KIF20A: variants seen among roughly 807,000 people sequenced by gnomAD.
KIF20A encodes the protein kinesin-like protein KIF20A.
Under a neutral mutation model 113.0 loss-of-function variants are expected in KIF20A, and 66 were observed. The observed-to-expected ratio is 0.58, with a 90% confidence interval of 0.48 to 0.72. The LOEUF is 0.72. Among genes scored for constraint, KIF20A ranks in the 30% least tolerant of loss-of-function variants. The pLI, the probability that KIF20A is intolerant of heterozygous loss-of-function variation, is 0.00. For synonymous variants in KIF20A, 376 were observed against 402.3 expected (o/e 0.93, Z 0.78); for missense variants, 927 against 1,077.6 (o/e 0.86, Z 1.96).
In KIF20A at chr5:138,187,122, C is replaced by A; in HGVS notation, c.2382C>A (p.Asn794Lys). Residue 794 changes from asparagine to lysine, a missense_variant, in exon 19 of 19, where the codon AAC (asparagine) becomes AAA (lysine). Asn to Lys is a moderately conservative substitution (Grantham distance 94). Coordinates refer to ENST00000394894, the MANE Select transcript of KIF20A (RefSeq NM_005733.3). Reference protein sequence around the residue: ...KQDQTLAELQNNMVLVKLDLR... With the variant: ...KQDQTLAELQKNMVLVKLDLR... ...ACCAGACTCTGGCTGAACTGCAGAA[C>A]AACATGGTGCTAGTGAAACTGGACC... 1 of 1,611,268 alleles carries A rather than the reference C, an allele frequency of 6.2e-7. No homozygotes were observed. The highest frequency in any genetic ancestry group is 1.1e-5 in the South Asian group (1 of 91,006).
Position 138,182,461 on chromosome 5 carries a change from G to T in KIF20A, c.514G>T (p.Gly172Cys). 6.2e-7 allele frequency: 1 copy of T among 1,613,960 alleles called. No homozygotes were observed. Among genetic ancestry groups the T allele is most frequent in the Non-Finnish European group, 8.5e-7 (1 of 1,179,926 alleles). ...CTCAGGGAAAACCCACACGATTCAA[G>T]GTGAGTAGTAAGCCTTCACGGGATT... is the stretch of plus-strand genomic sequence containing the variant. ...TNSGKTHTIQ[G>C]TIKDGGILPR... The change falls in exon 5 of 19, where the codon GGT becomes TGT. Residue 172 changes from glycine to cysteine, a missense_variant and splice_region_variant. Gly to Cys is a radical substitution (Grantham distance 159). Transcript: ENST00000394894.
At position 138,186,063 on chromosome 5, in the gene KIF20A, C is replaced by T. The variant is rs187210890; in HGVS notation, c.2217+11C>T. The T allele has an allele frequency of 3.6e-4, 573 of 1,609,568 alleles. 3 individuals carry two copies. In the African/African-American group the frequency reaches 6.8e-3, roughly 19 times the overall value. On this transcript the variant is annotated intron_variant, in intron 17 of 18. Coordinates refer to ENST00000394894, the MANE Select transcript of KIF20A (RefSeq NM_005733.3). ...GAAGAGGGCCAGAAGGTAATTACCA[C>T]CATTCTCTGTTTACCAAACTCTTAC...
rs772297000 is a variant in KIF20A at position 138,183,178 on chromosome 5, A to G, written c.842A>G (p.His281Arg). 2.5e-6 allele frequency: 4 copies of G among 1,614,070 alleles called. No homozygotes were observed. The highest frequency in any genetic ancestry group is 3.4e-6 in the Non-Finnish European group (4 of 1,179,952). Residue 281 changes from histidine to arginine, a missense_variant, in exon 8 of 19, where the codon CAT (histidine) becomes CGT (arginine). Physicochemically the swap from His to Arg is conservative, Grantham distance 29. Coordinates refer to ENST00000394894, the MANE Select transcript of KIF20A (RefSeq NM_005733.3). This position sits in a 1 kb window ranked among gnomAD's most constrained non-coding sequence, Gnocchi z 5.2. ...TSSSQLDETS[H>R]RWAQPDTAPL... Reference sequence around the variant, plus strand: ...TTGGCTTCTTCTCCAGAAACAAGTCATCGATGGGCACAGCCAGACACTGCC... The same window carrying G: ...TTGGCTTCTTCTCCAGAAACAAGTCGTCGATGGGCACAGCCAGACACTGCC...
At chr5:138,184,200 G>GT in intron 11 of KIF20A, 39 bp from the exon 12 acceptor site, 1 of 1,611,748 alleles carries the variant, frequency 6.2e-7, no homozygotes, top group Non-Finnish European at 8.5e-7. Context: ...AAGGGCTGGT[G>GT]TTCTGCTCAC....
chr5:138,182,324 T>C lies in KIF20A; in HGVS notation c.377T>C (p.Ile126Thr). The change falls in exon 5 of 19, where the codon ATC (isoleucine) becomes ACC (threonine). Residue 126 changes from isoleucine (I) to threonine (T), a missense_variant and splice_region_variant. Coordinates refer to ENST00000394894, the MANE Select transcript of KIF20A (RefSeq NM_005733.3). ...QATHRFTFSQIFGPEVGQASF... is the reference protein window; with the variant it reads ...QATHRFTFSQTFGPEVGQASF... ...CTAAAAAACTGGGTCTCTCTCTAGA[T>C]CTTTGGGCCAGAAGTGGGACAGGCA... 6.2e-7 allele frequency: 1 copy of C among 1,613,164 alleles called. No homozygotes were observed. Among genetic ancestry groups the C allele is most frequent in the Non-Finnish European group, 8.5e-7 (1 of 1,179,608 alleles).
In KIF20A at chr5:138,183,695, A is replaced by G. The variant is rs748547975; in HGVS notation, c.1147A>G (p.Ile383Val). 1.2e-6 allele frequency: 2 copies of G among 1,613,820 alleles called. 1 individual carries two copies. Among genetic ancestry groups the G allele is most frequent in the South Asian group, 2.2e-5 (2 of 91,072 alleles). ...LNQNSSRSHS[I>V]FSIRILHLQG... ...GTTTTTCTTAACTTCCAGTCACAGC[A>G]TCTTCTCAATCAGGATCCTACACCT... is the stretch of plus-strand genomic sequence containing the variant. The change falls in exon 10 of 19, where the codon ATC becomes GTC. Residue 383 changes from isoleucine (I) to valine (V), a missense_variant. Ile to Val is a conservative substitution (Grantham distance 29). Transcript: ENST00000394894. This position sits in a 1 kb window ranked among gnomAD's most constrained non-coding sequence, Gnocchi z 5.2.
chr5:138,179,384 G>A (rs766327982), intron 1 of KIF20A, 182 bp downstream of exon 1: 1 of 377,542 alleles, frequency 2.6e-6, no homozygotes, highest in Non-Finnish European at 5.0e-6. Flanking sequence ...CCACAGCACC[G>A]GCGGGCGAGG....
intron 1 of KIF20A, chr5:138,179,420 G>A: frequency 2.2e-6 from 1 of 457,592 alleles, no homozygotes; most frequent in South Asian, 2.3e-5. Flanking sequence ...GTAGCCTTCT[G>A]CTTTTGGAGC....
rs1439585151 is a variant in KIF20A, at chr5:138,187,561, T to C, written c.*148T>C. On this transcript the variant is annotated 3_prime_UTR_variant, in exon 19 of 19. Transcript: ENST00000394894. ...CACTAGCTTTTTTCTCACTTTTGTA[T>C]TATAACCACCTATGTAATCTCATGT... 1 of 635,406 alleles carries C rather than the reference T, an allele frequency of 1.6e-6. No homozygotes were observed. Among genetic ancestry groups the C allele is most frequent in the African/African-American group, 1.8e-5 (1 of 54,710 alleles). 39.4% of individuals were successfully genotyped at this position (635,406 alleles called of 1,614,324 possible).
At chr5:138,185,003 G>A in intron 14 of KIF20A, 57 bp downstream of exon 14, 1 of 1,600,664 alleles carries the variant, frequency 6.2e-7, no homozygotes, top group Non-Finnish European at 8.5e-7. Context: ...TGGGAAGTAA[G>A]GAGTTAGGTG....
chr5:138,181,834 G>A (rs1340927682), intron 4 of KIF20A, 106 bp downstream of exon 4: 1 of 1,318,154 alleles, frequency 7.6e-7, no homozygotes, highest in African/African-American at 1.5e-5. Flanking sequence ...CCTTGTATAT[G>A]CACACCTACA....
In KIF20A at chr5:138,185,151, A is replaced by C. The variant is rs1245376286; in HGVS notation, c.1880A>C (p.Asn627Thr). ...LLEEMYEEKL[N>T]ILKESLTSFY... ...GAGGAAATGTATGAAGAAAAACTAA[A>C]TATCCTCAAGGAGTCACTGACAAGT... Residue 627 changes from asparagine (N) to threonine (T), a missense_variant, in exon 15 of 19, where the codon AAT (asparagine) becomes ACT (threonine). Transcript: ENST00000394894. The C allele has an allele frequency of 6.2e-7, 1 of 1,614,058 alleles. No individual in the cohort carries two copies. The highest frequency in any genetic ancestry group is 1.7e-5 in the Admixed American group (1 of 60,012).
Position 138,179,734 on chromosome 5 carries a change from C to G in KIF20A, c.54C>G (p.Val18=), listed in dbSNP as rs1192841985. Residue 18 remains valine, a synonymous_variant, in exon 2 of 19, where the codon GTC becomes GTG. Coordinates refer to ENST00000394894, the MANE Select transcript of KIF20A (RefSeq NM_005733.3). ...CGGGCTTGCTGTCCGATGACGATGTCGTAGTTTCTCCCATGTTTGAGTCCA... is the reference window on the plus strand; with the variant it reads ...CGGGCTTGCTGTCCGATGACGATGTGGTAGTTTCTCCCATGTTTGAGTCCA... ...PPAGLLSDDD[V]VVSPMFESTA... 6.2e-7 allele frequency: 1 copy of G among 1,614,094 alleles called. No individual in the cohort carries two copies. Among genetic ancestry groups the G allele is most frequent in the South Asian group, 1.1e-5 (1 of 91,072 alleles).
Position 138,183,293 on chromosome 5 carries a change from G to A in KIF20A, c.957G>A (p.Pro319=), listed in dbSNP as rs369402135. The part of the protein sequence containing the change: ...YNELLYDLLE[P]PSQQRKRQTL... ...AACTGCTTTATGACCTATTAGAACC[G>A]CCTAGCCAACAGCGCAAGAGGCAGA... The change falls in exon 8 of 19, where the codon CCG becomes CCA. Residue 319 remains proline, a synonymous_variant. Transcript: ENST00000394894. The surrounding 1 kb of genome is among the most constrained non-coding windows in gnomAD (Gnocchi z 5.2). The A allele has an allele frequency of 1.5e-5, 24 of 1,614,062 alleles. No homozygotes were observed. Among genetic ancestry groups the A allele is most frequent in the East Asian group, 1.1e-4 (5 of 44,900 alleles).
chr5:138,181,361 C>T, intron 2 of KIF20A, 61 bp from the exon 3 acceptor site: 2 of 1,355,512 alleles, frequency 1.5e-6, no homozygotes, highest in Admixed American at 1.7e-5. Flanking sequence ...ACTGTTTGCC[C>T]ATTTGCTCAG....
At position 138,183,386 on chromosome 5, in the gene KIF20A, G is replaced by C. The variant is rs1053318682; in HGVS notation, c.1027+23G>C. 2 of 1,613,700 alleles carry C rather than the reference G, an allele frequency of 1.2e-6. No individual in the cohort carries two copies. Among genetic ancestry groups the C allele is most frequent in the Non-Finnish European group, 1.7e-6 (2 of 1,179,648 alleles). On this transcript the variant is annotated intron_variant, in intron 8 of 18. Coordinates refer to ENST00000394894, the MANE Select transcript of KIF20A (RefSeq NM_005733.3). This position sits in a 1 kb window ranked among gnomAD's most constrained non-coding sequence, Gnocchi z 5.2. ...AAGGTAAAGGAACATGGGGAAAGCT[G>C]GCATGAACCCTGGAGGGCAACTGGG...
rs369613226 is a variant in KIF20A, at chr5:138,179,650, C to G, written c.-21-10C>G. ...TTCTTCTCCCTGCCCACTTTTTGGT[C>G]TCTTTTTAGACCTAGGCTGCCCCTG... On this transcript the variant is annotated splice_polypyrimidine_tract_variant and intron_variant, in intron 1 of 18. Transcript: ENST00000394894. 10 of 1,611,626 alleles carry G rather than the reference C, an allele frequency of 6.2e-6. No homozygotes were observed. Among genetic ancestry groups the G allele is most frequent in the Non-Finnish European group, 7.6e-6 (9 of 1,179,410 alleles).
In KIF20A at chr5:138,186,038, G is replaced by A. The variant is rs1356980797; in HGVS notation, c.2203G>A (p.Glu735Lys). 6.2e-7 allele frequency: 1 copy of A among 1,613,964 alleles called. No individual in the cohort carries two copies. The highest frequency in any genetic ancestry group is 8.5e-7 in the Non-Finnish European group (1 of 1,179,950). Reference protein sequence around the residue: ...PFTIDVDKKLEEGQKNIRLLR... With the variant: ...PFTIDVDKKLKEGQKNIRLLR... The stretch of plus-strand genomic sequence containing the variant: ...CACCATTGATGTGGACAAGAAGTTA[G>A]AAGAGGGCCAGAAGGTAATTACCAC... The change falls in exon 17 of 19, where the codon GAA (glutamate) becomes AAA (lysine). Residue 735 changes from glutamate to lysine, a missense_variant. Coordinates refer to ENST00000394894, the MANE Select transcript of KIF20A (RefSeq NM_005733.3).
Position 138,183,223 on chromosome 5 carries a change from ACATTCGCTTCTC to A in KIF20A, c.891_902del (p.Arg298_Ile301del). 6.2e-7 allele frequency: 1 copy of A among 1,614,226 alleles called. No individual in the cohort carries two copies. On this transcript the variant is annotated inframe_deletion, in exon 8 of 19. Transcript: ENST00000394894. This position sits in a 1 kb window ranked among gnomAD's most constrained non-coding sequence, Gnocchi z 5.2. ...ACTGCCCCACTACCTGTCCCGGCAA[ACATTCGCTTCTC>A]CATCTGGATCTCATTCTTTGAGATC...
Sources: gnomAD v4.1 joint callset for allele counts on GRCh38, gnomAD v4.1.1 for gene constraint, Gnocchi (gnomAD v3.1) non-coding constraint, MANE v1.5 for transcripts, NCBI Gene and HGNC (gene_info 2026-07-23, HGNC 2026-07-21) for gene names.